The following PRELID2 variants were observed in gnomAD, a reference collection of about 807,000 sequenced individuals.
PRELID2 encodes the protein PRELI domain-containing protein 2.
A neutral mutation model predicts 28.4 loss-of-function variants in PRELID2; 25 were observed. That is an observed-to-expected ratio of 0.88 (90% CI 0.64 to 1.23). The LOEUF is 1.23. Among genes scored for constraint, PRELID2 ranks in the 50% most tolerant of loss-of-function variants. PRELID2 has a pLI of 0.00. For missense variants in PRELID2, 201 were observed against 214.4 expected (o/e 0.94, Z 0.39); for synonymous variants, 76 against 71.6 (o/e 1.06, Z -0.31).
intron 1 of PRELID2, among the ~76,000 whole-genome samples, chr5:145,520,120 C>CA (rs1288969884): frequency 1.3e-5 from 2 of 152,030 alleles, no homozygotes; most frequent in Non-Finnish European, 2.9e-5. Flanking sequence ...CTTTGGGGTA[C>CA]AAAAAAATTC....
chr5:145,708,162 C>A (rs984913869), intron 1 of PRELID2, among the ~76,000 whole-genome samples: 3 of 152,112 alleles, frequency 2.0e-5, no homozygotes, highest in African/African-American at 4.8e-5. Flanking sequence ...CCCTCCCCAC[C>A]AGCTTCCATC....
rs115208891 is a variant in PRELID2 at position 145,496,778 on chromosome 5, G to T, written n.71-23463C>A. 4.9e-3 allele frequency among the ~76,000 whole-genome samples: 743 copies of T among 152,014 alleles called. 9 individuals are homozygous for T. Among genetic ancestry groups the T allele is most frequent in the African/African-American group, 0.016 (679 of 41,466 alleles). On this transcript the variant is annotated intron_variant and non_coding_transcript_variant, in intron 1 of 2. Transcript: ENST00000510259. The stretch of plus-strand genomic sequence containing the variant: ...CTGAAAGTTCTTTCTTCCTACTCCT[G>T]TTCACTCCCCCTTGGTCCTTCATAG...
chr5:145,533,380 C>G (rs891740553), intron 1 of PRELID2, among the ~76,000 whole-genome samples: 1 of 151,918 alleles, frequency 6.6e-6, no homozygotes, highest in East Asian at 1.9e-4. Flanking sequence ...AATGAAAGAA[C>G]CCCACATAAT....
intron 5 of PRELID2, among the ~76,000 whole-genome samples, chr5:145,786,859 T>G (rs1366490250): frequency 6.6e-6 from 1 of 152,208 alleles, no homozygotes; most frequent in Admixed American, 6.5e-5. Context: ...AAGGCTAAAA[T>G]AACAAGCATA....
chr5:145,667,939 C>T (rs901441317), intron 1 of PRELID2, among the ~76,000 whole-genome samples: 4 of 151,940 alleles, frequency 2.6e-5, no homozygotes, highest in Non-Finnish European at 4.4e-5. Flanking sequence ...CCAGTGAGTT[C>T]GGGTAGAGAC....
chr5:145,790,386 G>A (rs914021165), intron 5 of PRELID2, among the ~76,000 whole-genome samples: 1 of 152,020 alleles, frequency 6.6e-6, no homozygotes. Context: ...AGTGAAATAA[G>A]GCACAGAAGG....
Position 145,811,216 on chromosome 5 carries a change from A to C in PRELID2, c.368+6678T>G, listed in dbSNP as rs143537757. Among the ~76,000 whole-genome samples, 16 of 151,642 alleles carry C rather than the reference A, an allele frequency of 1.1e-4. No individual in the cohort carries two copies. In the East Asian group the frequency reaches 3.1e-3, roughly 30 times the overall value. On this transcript the variant is annotated intron_variant, in intron 4 of 6. Coordinates refer to ENST00000683046, the MANE Select transcript of PRELID2 (RefSeq NM_205846.3). Reference sequence around the variant, plus strand: ...TGGGAAAGACCTGCCCCCACGATTTAATTGCCTCCCACTGGGTCCTTCCCA... The same window carrying C: ...TGGGAAAGACCTGCCCCCACGATTTCATTGCCTCCCACTGGGTCCTTCCCA...
the PRELID2 span, among the ~76,000 whole-genome samples, chr5:145,230,949 T>C: frequency 6.6e-6 from 1 of 152,216 alleles, no homozygotes; most frequent in South Asian, 2.1e-4. Flanking sequence ...GGCTTCTTTC[T>C]GGAGAGAGAT....
the PRELID2 span, among the ~76,000 whole-genome samples, chr5:145,429,089 C>T: frequency 6.6e-6 from 1 of 152,154 alleles, no homozygotes; most frequent in Admixed American, 6.5e-5. Flanking sequence ...CATTAAATGA[C>T]TCTGATATTT....
chr5:145,525,021 T>C (rs191015901), intron 1 of PRELID2, among the ~76,000 whole-genome samples: 1 of 152,322 alleles, frequency 6.6e-6, no homozygotes, highest in East Asian at 1.9e-4. Context: ...AATGCTAATA[T>C]CAATACTAAT....
intron 5 of PRELID2, among the ~76,000 whole-genome samples, chr5:145,766,978 A>G (rs1288767188): frequency 2.0e-5 from 3 of 152,084 alleles, no homozygotes; most frequent in Non-Finnish European, 2.9e-5. Context: ...TCATGTTGAT[A>G]AGGACAGGTG....
At chr5:145,535,970 G>A (rs1032821600) in intron 1 of PRELID2, among the ~76,000 whole-genome samples, 8 of 151,968 alleles carry the variant, frequency 5.3e-5, no homozygotes, top group African/African-American at 1.9e-4. Flanking sequence ...ACCAATTTTA[G>A]GGGATAAAAT....
intron 1 of PRELID2, among the ~76,000 whole-genome samples, chr5:145,722,984 T>C (rs1756034504): frequency 6.6e-6 from 1 of 152,072 alleles, no homozygotes; most frequent in Non-Finnish European, 1.5e-5. Context: ...AGAGACCCGA[T>C]GTTACAAAAA....
chr5:145,304,925 G>A, the PRELID2 span, among the ~76,000 whole-genome samples: 1 of 152,126 alleles, frequency 6.6e-6, no homozygotes, highest in Non-Finnish European at 1.5e-5. Context: ...ACATAGTAGA[G>A]ATTTGGAAAA....
At chr5:145,381,838 G>T in the PRELID2 span, among the ~76,000 whole-genome samples, 1 of 151,922 alleles carries the variant, frequency 6.6e-6, no homozygotes, top group Non-Finnish European at 1.5e-5. Context: ...TATTATCTCT[G>T]TAAAGTATCA....
intron 1 of PRELID2, among the ~76,000 whole-genome samples, chr5:145,607,917 T>A (rs949529976): frequency 1.3e-5 from 2 of 152,194 alleles, no homozygotes; most frequent in South Asian, 4.1e-4. Flanking sequence ...CTTATGAATC[T>A]AGGTGTTCCC....
chr5:145,396,825 C>T, the PRELID2 span, among the ~76,000 whole-genome samples: 1 of 149,152 alleles, frequency 6.7e-6, no homozygotes, highest in Admixed American at 6.6e-5. Context: ...AGGATGAAGA[C>T]TAATTACTAA....
At chr5:145,326,823 A>T in the PRELID2 span, among the ~76,000 whole-genome samples, 2 of 152,150 alleles carry the variant, frequency 1.3e-5, no homozygotes, top group Non-Finnish European at 2.9e-5. Context: ...AAAAGCATTA[A>T]CTATAAAAGA....
the PRELID2 span, among the ~76,000 whole-genome samples, chr5:145,454,659 A>G: frequency 1.3e-5 from 2 of 152,198 alleles, no homozygotes; most frequent in African/African-American, 4.8e-5. Flanking sequence ...GAGCCAAATC[A>G]TGAGTGAACT....
Sources: allele counts gnomAD v4.1 joint callset (sites outside exome capture counted in the v4.1 genomes callset), GRCh38; gene constraint gnomAD v4.1.1; transcripts MANE v1.5; gene names NCBI Gene and HGNC (gene_info 2026-07-23, HGNC 2026-07-21).